The following PDE4D variants were observed in gnomAD, a reference collection of about 807,000 sequenced individuals.
PDE4D encodes 3',5'-cyclic-AMP phosphodiesterase 4D.
A neutral mutation model predicts 87.4 loss-of-function variants in PDE4D; 24 were observed. That is an observed-to-expected ratio of 0.27 (90% CI 0.20 to 0.39). The LOEUF is 0.39. Ranked by LOEUF, PDE4D falls within the 10% of genes least tolerant of loss-of-function variation. The probability of loss-of-function intolerance (pLI) is 1.00; values close to 1 mark genes in which losing one functional copy is unlikely to be tolerated. For missense variants in PDE4D, 714 were observed against 1,041.0 expected (o/e 0.69, Z 4.32); for synonymous variants, 384 against 383.2 (o/e 1.00, Z -0.02).
chr5:59,621,518 A>C (rs1830354965), intron 1 of PDE4D, among the ~76,000 whole-genome samples: 1 of 152,224 alleles, frequency 6.6e-6, no homozygotes. Context: ...TTCAGCTTAC[A>C]AAAGTATCAA....
At chr5:60,292,077 G>A (rs1241631978) in intron 1 of PDE4D, among the ~76,000 whole-genome samples, 3 of 152,104 alleles carry the variant, frequency 2.0e-5, no homozygotes, top group African/African-American at 7.2e-5. Flanking sequence ...GTGTCTGCAT[G>A]TGTTTGTTCA....
chr5:59,245,397 T>C (rs575711871), intron 1 of PDE4D, among the ~76,000 whole-genome samples: 4 of 152,282 alleles, frequency 2.6e-5, no homozygotes, highest in African/African-American at 9.6e-5. Context: ...CCTTGAGGCA[T>C]ATTTTTTCCT....
At chr5:59,169,403 C>G (rs1288024143) in intron 5 of PDE4D, among the ~76,000 whole-genome samples, 2 of 151,886 alleles carry the variant, frequency 1.3e-5, no homozygotes, top group Admixed American at 1.3e-4. Flanking sequence ...TAAACATTTC[C>G]CAAATTCCCT....
rs372748645 is a variant in PDE4D, at chr5:60,144,281, T to C, written c.42+41276A>G. 4.6e-5 allele frequency among the ~76,000 whole-genome samples: 7 copies of C among 152,370 alleles called. No homozygotes were observed. The East Asian group carries it at 1.2e-3, about 25-fold the overall frequency. ...CCCAGATCTCTTCTCTTTCCTGTCA[T>C]ACAATGAGTAAGGTGCTGATTAGCT... On this transcript the variant is annotated intron_variant, in intron 2 of 16. Transcript: ENST00000502484.
chr5:59,561,570 TG>T (rs1271851297), intron 1 of PDE4D, among the ~76,000 whole-genome samples: 3 of 152,210 alleles, frequency 2.0e-5, no homozygotes, highest in African/African-American at 7.2e-5. Context: ...AAGAAGAGGG[TG>T]TACATTTATT....
At chr5:59,617,054 G>C (rs1829797410) in intron 1 of PDE4D, among the ~76,000 whole-genome samples, 1 of 150,688 alleles carries the variant, frequency 6.6e-6, no homozygotes, top group Non-Finnish European at 1.5e-5. Flanking sequence ...CAATTGCTGA[G>C]GGTGTATCTT....
chr5:58,999,516 TA>T (rs1453806838), intron 6 of PDE4D: 1 of 1,536,138 alleles, frequency 6.5e-7, no homozygotes, highest in South Asian at 1.1e-5. Flanking sequence ...ACACTGACAG[TA>T]AATAGTTTGC....
chr5:60,108,036 G>A (rs1185251797), intron 2 of PDE4D, among the ~76,000 whole-genome samples: 2 of 152,124 alleles, frequency 1.3e-5, no homozygotes, highest in Admixed American at 6.6e-5. Context: ...AGGAAACAAA[G>A]GGTATTCAGT....
At chr5:59,271,178 T>C (rs1270168428) in intron 1 of PDE4D, among the ~76,000 whole-genome samples, 1 of 152,022 alleles carries the variant, frequency 6.6e-6, no homozygotes, top group Non-Finnish European at 1.5e-5. Flanking sequence ...AAGCTGAGAT[T>C]ACAGGCATGT....
chr5:59,909,042 CA>C (rs1282708983), intron 3 of PDE4D, among the ~76,000 whole-genome samples: 1 of 152,134 alleles, frequency 6.6e-6, no homozygotes, highest in African/African-American at 2.4e-5. Context: ...GTTACATTAA[CA>C]AAAATATCAA....
At chr5:60,065,003 T>G (rs1771895305) in intron 2 of PDE4D, among the ~76,000 whole-genome samples, 1 of 152,190 alleles carries the variant, frequency 6.6e-6, no homozygotes, top group African/African-American at 2.4e-5. Flanking sequence ...AAGCCTATGC[T>G]GTAATGTAGG....
At chr5:59,025,064 C>T (rs1755952603) in intron 6 of PDE4D, among the ~76,000 whole-genome samples, 1 of 151,922 alleles carries the variant, frequency 6.6e-6, no homozygotes, top group African/African-American at 2.4e-5. Flanking sequence ...CTAAACCTAT[C>T]TTAATTTTTA....
Position 59,417,450 on chromosome 5 carries a change from C to T in PDE4D, c.456-201482G>A, listed in dbSNP as rs78001001. ...AGAACTACTGAAAGGGAATAACACA[C>T]AAATATCCATGTCTAGCCAAACAAA... is the stretch of plus-strand genomic sequence containing the variant. On this transcript the variant is annotated intron_variant, in intron 1 of 14. Transcript: ENST00000340635. Among the ~76,000 whole-genome samples the T allele has an allele frequency of 6.1e-3, 917 of 151,332 alleles. 5 individuals are homozygous for T. Among genetic ancestry groups the T allele is most frequent in the Admixed American group, 7.8e-3 (119 of 15,190 alleles).
intron 1 of PDE4D, among the ~76,000 whole-genome samples, chr5:60,413,347 G>A (rs1031832903): frequency 1.3e-5 from 2 of 152,120 alleles, no homozygotes; most frequent in Non-Finnish European, 2.9e-5. Context: ...TTTCCAATCT[G>A]AAGGAGAAGC....
At chr5:60,378,840 G>A (rs1270028308) in intron 1 of PDE4D, among the ~76,000 whole-genome samples, 5 of 151,894 alleles carry the variant, frequency 3.3e-5, no homozygotes, top group African/African-American at 4.8e-5. Flanking sequence ...GCGACAGAGC[G>A]ACACTCCGAC....
chr5:59,432,719 C>G (rs1796283807), intron 1 of PDE4D, among the ~76,000 whole-genome samples: 1 of 152,106 alleles, frequency 6.6e-6, no homozygotes, highest in African/African-American at 2.4e-5. Context: ...AAAGTAAGAA[C>G]AGCCTTTCTG....
chr5:59,430,606 A>T (rs1795968745), intron 1 of PDE4D: 2 of 385,384 alleles, frequency 5.2e-6, no homozygotes, highest in Non-Finnish European at 9.0e-6. Context: ...TTTTCTGTTC[A>T]TTCTGTTCAT....
chr5:59,464,234 T>A (rs955393393), intron 1 of PDE4D, among the ~76,000 whole-genome samples: 1 of 152,132 alleles, frequency 6.6e-6, no homozygotes, highest in Admixed American at 6.5e-5. Context: ...AGGATTAGTA[T>A]AAGAGGAAGG....
chr5:60,310,429 G>T (rs936079464), intron 1 of PDE4D, among the ~76,000 whole-genome samples: 1 of 152,158 alleles, frequency 6.6e-6, no homozygotes, highest in African/African-American at 2.4e-5. Context: ...CTTGGAGAAG[G>T]GAAGGTTTAA....
Sources: gnomAD v4.1 joint callset for allele counts (sites outside exome capture counted in the v4.1 genomes callset) on GRCh38, gnomAD v4.1.1 for gene constraint, MANE v1.5 for transcripts, NCBI Gene and HGNC (gene_info 2026-07-23, HGNC 2026-07-21) for gene names.